TSPAN19: variants seen among roughly 807,000 people sequenced by gnomAD.
TSPAN19 encodes the protein tetraspanin-19.
TSPAN19 carries 44 observed loss-of-function variants against 35.1 expected under a neutral mutation model. The observed-to-expected ratio is 1.25, with a 90% CI of 0.98 to 1.61. The LOEUF is 1.61. Among genes scored for constraint, TSPAN19 ranks in the 40% most tolerant of loss-of-function variants. The pLI is 0.00. For synonymous variants in TSPAN19, 79 were observed against 92.0 expected (o/e 0.86, Z 0.81); for missense variants, 290 against 280.0 (o/e 1.04, Z -0.26).
At chr12:85,034,270 A>T (rs1877812734) in intron 1 of TSPAN19, among the ~76,000 whole-genome samples, 1 of 152,200 alleles carries the variant, frequency 6.6e-6, no homozygotes, top group Non-Finnish European at 1.5e-5. Flanking sequence ...CAATGATATT[A>T]TGGGATATTT....
Position 85,027,910 on chromosome 12 carries a change from G to A in TSPAN19, c.253C>T (p.Leu85Phe). 1 of 1,575,136 alleles carries A rather than the reference G, an allele frequency of 6.3e-7. No homozygotes were observed. The highest frequency in any genetic ancestry group is 8.6e-7 in the Non-Finnish European group (1 of 1,161,034). The change falls in exon 4 of 9, where the codon CTC becomes TTC. Residue 85 changes from leucine to phenylalanine, a missense_variant. Leu to Phe is a conservative substitution (Grantham distance 22). Coordinates refer to ENST00000532498, the MANE Select transcript of TSPAN19 (RefSeq NM_001100917.2). ...CATGAAATACGTACCACAATTAGGA[G>A]CCATCTGATTTCGTTGTGAATTCCT... Reference protein sequence around the residue: ...YIGIHNEIRWLLIVYAVLITW... With the variant: ...YIGIHNEIRWFLIVYAVLITW...
chr12:85,030,462 G>T (rs566651774), intron 1 of TSPAN19, among the ~76,000 whole-genome samples: 1 of 152,026 alleles, frequency 6.6e-6, no homozygotes, highest in African/African-American at 2.4e-5. Flanking sequence ...CCTCACTGAG[G>T]TGTTGGTTTG....
At chr12:85,014,796 G>A (rs192486302) in intron 8 of TSPAN19, 2 of 313,580 alleles carry the variant, frequency 6.4e-6, no homozygotes, top group African/African-American at 2.2e-5. Flanking sequence ...AAACCTTTAG[G>A]TTTTAATTAC....
chr12:85,034,479 A>T (rs1592670178), intron 1 of TSPAN19, among the ~76,000 whole-genome samples: 2 of 152,316 alleles, frequency 1.3e-5, no homozygotes, highest in African/African-American at 4.8e-5. Context: ...TTGTTAAGCC[A>T]ATATGCTATA....
intron 1 of TSPAN19, among the ~76,000 whole-genome samples, chr12:85,034,614 C>G (rs1171310693): frequency 6.6e-6 from 1 of 152,110 alleles, no homozygotes; most frequent in Non-Finnish European, 1.5e-5. Context: ...TCTGAAGTTA[C>G]CGTTTCTAGG....
At chr12:85,027,816 A>C (rs1268392269) in intron 4 of TSPAN19, 83 bp downstream of exon 4, 1 of 1,330,824 alleles carries the variant, frequency 7.5e-7, no homozygotes, top group Non-Finnish European at 1.0e-6. Context: ...GTGCCATGCT[A>C]ATATAAATCA....
In TSPAN19 at chr12:85,017,518, A is replaced by ATTC; in HGVS notation, c.531_532insGAA (p.Ser177_Cys178insGlu). The ATTC allele has an allele frequency of 6.2e-7, 1 of 1,606,210 alleles. No individual in the cohort carries two copies. The highest frequency in any genetic ancestry group is 8.5e-7 in the Non-Finnish European group (1 of 1,175,740). ...CATTTTCTTAAAGTTGACTTTGTGC[A>ATTC]AGAACATGGCACCTGTCCTGAATTT... On this transcript the variant is annotated inframe_insertion, in exon 7 of 9. Coordinates refer to ENST00000532498, the MANE Select transcript of TSPAN19 (RefSeq NM_001100917.2).
chr12:85,017,476 G>C lies in TSPAN19; in HGVS notation c.574C>G (p.Leu192Val). ...TLRKWFCDEP[L>V]NATYLEGCEN... ...TTTACCTCAAGGTAAGTTGCATTCA[G>C]TGGCTCATCACAAAACCATTTTCTT... Residue 192 changes from leucine to valine, a missense_variant, in exon 7 of 9, where the codon CTG becomes GTG. Transcript: ENST00000532498. 1 of 1,608,862 alleles carries C rather than the reference G, an allele frequency of 6.2e-7. No homozygotes were observed. The highest frequency in any genetic ancestry group is 8.5e-7 in the Non-Finnish European group (1 of 1,177,262).
chr12:85,023,189 T>C, intron 5 of TSPAN19, 137 bp downstream of exon 5: 1 of 718,230 alleles, frequency 1.4e-6, no homozygotes, highest in Non-Finnish European at 2.3e-6. Flanking sequence ...CTAGTACTTT[T>C]GTTAAATATT....
chr12:85,022,590 C>A (rs986073935), intron 5 of TSPAN19, among the ~76,000 whole-genome samples: 1 of 152,040 alleles, frequency 6.6e-6, no homozygotes, highest in Non-Finnish European at 1.5e-5. Flanking sequence ...TTATATTTTA[C>A]AGATACAGCA....
At chr12:85,015,537 C>CAT (rs555810518) in intron 8 of TSPAN19, 29,437 of 134,690 alleles carry the variant, frequency 0.22, 3,262 homozygotes, top group African/African-American at 0.34. Flanking sequence ...AATATATGAA[C>CAT]ATATACACAC....
intron 6 of TSPAN19, among the ~76,000 whole-genome samples, 168 bp downstream of exon 6, chr12:85,019,458 T>C (rs187938126): frequency 6.6e-5 from 10 of 152,144 alleles, no homozygotes; most frequent in Middle Eastern, 3.4e-3. Context: ...AAAAGGAGGA[T>C]ATAAATCAAG....
At chr12:85,025,238 C>T (rs1478849119) in intron 4 of TSPAN19, among the ~76,000 whole-genome samples, 3 of 150,930 alleles carry the variant, frequency 2.0e-5, no homozygotes, top group South Asian at 2.1e-4. Context: ...CAGGTTCAAG[C>T]GATTCTCGTT....
intron 7 of TSPAN19, 166 bp downstream of exon 7, chr12:85,017,290 T>C (rs1876865489): frequency 4.9e-6 from 3 of 611,808 alleles, no homozygotes; most frequent in Non-Finnish European, 8.5e-6. Flanking sequence ...GAAATGACAC[T>C]ACAATTTACC....
At chr12:85,019,803 G>T (rs1208206245) in intron 5 of TSPAN19, 67 bp from the exon 6 acceptor site, 2 of 804,068 alleles carry the variant, frequency 2.5e-6, no homozygotes, top group Non-Finnish European at 4.0e-6. Context: ...CATAGAAATT[G>T]ATGGTTCCTC....
chr12:85,019,132 A>T (rs1250539803), intron 6 of TSPAN19, among the ~76,000 whole-genome samples: 3 of 151,966 alleles, frequency 2.0e-5, no homozygotes, highest in Non-Finnish European at 4.4e-5. Context: ...TTTCTATAAT[A>T]TATAGAATAT....
At chr12:85,024,369 G>GA (rs1877284549) in intron 4 of TSPAN19, among the ~76,000 whole-genome samples, 4 of 152,148 alleles carry the variant, frequency 2.6e-5, no homozygotes, top group African/African-American at 9.7e-5. Flanking sequence ...TTTCAGACAC[G>GA]TAAGCATGAG....
chr12:85,034,785 TC>T (rs997287634), intron 1 of TSPAN19, among the ~76,000 whole-genome samples: 17 of 152,208 alleles, frequency 1.1e-4, no homozygotes, highest in African/African-American at 4.1e-4. Context: ...GATAAAGTTG[TC>T]CTTTCTTCCA....
intron 7 of TSPAN19, chr12:85,017,165 T>G: frequency 6.8e-6 from 2 of 293,076 alleles, no homozygotes; most frequent in Non-Finnish European, 1.3e-5. Flanking sequence ...TGCCTCCTCT[T>G]TCTGCAGGAC....
Sources: gnomAD v4.1 joint callset for allele counts (sites outside exome capture counted in the v4.1 genomes callset) on GRCh38, gnomAD v4.1.1 for gene constraint, MANE v1.5 for transcripts, NCBI Gene and HGNC (gene_info 2026-07-23, HGNC 2026-07-21) for gene names.